Variants in TMEM132B observed in about 807,000 individuals in gnomAD.
The protein encoded by TMEM132B is transmembrane protein 132B.
Under a neutral mutation model 90.8 loss-of-function variants are expected in TMEM132B, and 18 were observed. The observed-to-expected ratio is 0.20, with a 90% confidence interval of 0.14 to 0.29. The LOEUF (loss-of-function observed/expected upper bound fraction) is 0.29. Among genes scored for constraint, TMEM132B ranks in the 10% least tolerant of loss-of-function variants. TMEM132B has a pLI of 1.00. For synonymous variants in TMEM132B, 504 were observed against 523.3 expected, an observed-to-expected ratio of 0.96 and a Z score of 0.50; for missense variants, 1,096 against 1,326.8, an observed-to-expected ratio of 0.83 and a Z score of 2.70.
chr12:125,305,160 C>G (rs534110235), intron 1 of TMEM132B, among the ~76,000 whole-genome samples: 2 of 151,926 alleles, frequency 1.3e-5, no homozygotes, highest in Non-Finnish European at 1.5e-5. Flanking sequence ...CTTTTCAACC[C>G]GTCTCCTACA....
At chr12:125,432,568 A>T (rs12426859) in intron 3 of TMEM132B, among the ~76,000 whole-genome samples, 2 of 41,944 alleles carry the variant, frequency 4.8e-5, no homozygotes, top group South Asian at 8.8e-4. Context: ...GAGAGAGAGA[A>T]AGAGAGTGTT....
Position 125,654,192 on chromosome 12 carries a change from G to A in TMEM132B, c.2734G>A (p.Val912Ile), listed in dbSNP as rs751942292. ...GATTGGCATGTATGCCTTGCTCTGCGTCTTCTGTCTGGCCATTCTGGTCTT... is the reference window on the plus strand; with the variant it reads ...GATTGGCATGTATGCCTTGCTCTGCATCTTCTGTCTGGCCATTCTGGTCTT... ...LEIGMYALLC[V>I]FCLAILVFLI... is the part of the protein sequence containing the mutation. The change falls in exon 9 of 9, where the codon GTC (valine) becomes ATC (isoleucine). Residue 912 changes from valine to isoleucine, a missense_variant. Transcript: ENST00000682704. This position sits in a 1 kb window ranked among gnomAD's most constrained non-coding sequence, Gnocchi z 5.8. 5.6e-6 allele frequency: 9 copies of A among 1,614,100 alleles called. No homozygotes were observed. The highest frequency in any genetic ancestry group is 1.3e-5 in the African/African-American group (1 of 74,928).
At chr12:125,519,125 C>T (rs899466347) in intron 3 of TMEM132B, among the ~76,000 whole-genome samples, 6 of 152,070 alleles carry the variant, frequency 3.9e-5, no homozygotes, top group East Asian at 1.9e-4. Context: ...GTGGCATGCC[C>T]GTGCCTGGGC....
Position 125,476,519 on chromosome 12 carries a change from T to G in TMEM132B, c.1107-42920T>G, listed in dbSNP as rs12578983. Among the ~76,000 whole-genome samples the G allele has an allele frequency of 6.2e-4, 95 of 152,348 alleles. 2 individuals are homozygous for G. In the East Asian group the frequency reaches 0.017, roughly 27 times the overall value. On this transcript the variant is annotated intron_variant, in intron 3 of 8. Transcript: ENST00000682704. ...AGTCCATTGTATGGATAAATCACAA[T>G]TTGTTTATCCATTACTGTATCAATG... is the stretch of plus-strand genomic sequence containing the variant.
intron 3 of TMEM132B, among the ~76,000 whole-genome samples, chr12:125,421,720 T>A (rs1880172539): frequency 6.6e-6 from 1 of 152,268 alleles, no homozygotes; most frequent in Admixed American, 6.5e-5. Flanking sequence ...GTCATCCTTT[T>A]AATTAACTGA....
intron 2 of TMEM132B, among the ~76,000 whole-genome samples, chr12:125,394,720 G>A (rs922136512): frequency 7.9e-5 from 12 of 152,176 alleles, no homozygotes; most frequent in African/African-American, 2.9e-4. Context: ...AGAAAGTTCT[G>A]TGCTGTAAAA....
intron 3 of TMEM132B, among the ~76,000 whole-genome samples, chr12:125,516,084 ATC>A (rs1883150637): frequency 1.3e-5 from 2 of 150,814 alleles, no homozygotes; most frequent in African/African-American, 4.9e-5. Context: ...CTCTCACGCT[ATC>A]TCACACACAC....
chr12:125,524,212 A>G (rs558927204), intron 4 of TMEM132B, among the ~76,000 whole-genome samples: 7 of 152,388 alleles, frequency 4.6e-5, no homozygotes, highest in African/African-American at 1.7e-4. Context: ...AAACTGAGCC[A>G]TAAAAAATAT....
intron 3 of TMEM132B, among the ~76,000 whole-genome samples, chr12:125,427,815 A>G (rs1040267799): frequency 6.6e-6 from 1 of 152,220 alleles, no homozygotes; most frequent in Non-Finnish European, 1.5e-5. Flanking sequence ...TTTCTACTGT[A>G]GGATTTAACT....
At chr12:125,264,843 C>T (rs150649594) in intron 1 of TMEM132B, among the ~76,000 whole-genome samples, 32 of 152,352 alleles carry the variant, frequency 2.1e-4, no homozygotes, top group African/African-American at 7.0e-4. Context: ...TGCATAGACA[C>T]GCTCAGCCCA....
At chr12:125,320,530 G>C (rs1219794306) in intron 1 of TMEM132B, among the ~76,000 whole-genome samples, 1 of 152,138 alleles carries the variant, frequency 6.6e-6, no homozygotes, top group Non-Finnish European at 1.5e-5. Flanking sequence ...AGGGGTTCCT[G>C]GTGGCATTGC....
chr12:125,641,168 A>G (rs1445350360), intron 5 of TMEM132B, among the ~76,000 whole-genome samples: 1 of 152,196 alleles, frequency 6.6e-6, no homozygotes, highest in Non-Finnish European at 1.5e-5. Flanking sequence ...AGCTGAGACA[A>G]GAAGGCAGAG....
At chr12:125,339,357 A>G (rs1405754723) in intron 1 of TMEM132B, among the ~76,000 whole-genome samples, 1 of 152,066 alleles carries the variant, frequency 6.6e-6, no homozygotes, top group Non-Finnish European at 1.5e-5. Flanking sequence ...ATGCCACCAC[A>G]TGGTCTTCCC....
rs555070055 is a variant in TMEM132B at position 125,563,391 on chromosome 12, G to C, written c.1294-20460G>C. ...TGGGAGGCTGAGGTGGGCGGATCAC[G>C]AGGTCAAGAGATCGAGACTAACCTG... On this transcript the variant is annotated intron_variant, in intron 4 of 8. Transcript: ENST00000682704. Among the ~76,000 whole-genome samples the C allele has an allele frequency of 1.6e-4, 25 of 152,000 alleles. No homozygotes were observed. In the South Asian group the frequency reaches 5.2e-3, roughly 32 times the overall value.
At chr12:125,461,953 A>G (rs1212064547) in intron 3 of TMEM132B, among the ~76,000 whole-genome samples, 3 of 152,220 alleles carry the variant, frequency 2.0e-5, no homozygotes, top group Non-Finnish European at 2.9e-5. Flanking sequence ...TGATTTCAGG[A>G]AAGTCTCAGC....
At chr12:125,281,227 A>G (rs1178022112) in intron 1 of TMEM132B, among the ~76,000 whole-genome samples, 1 of 152,136 alleles carries the variant, frequency 6.6e-6, no homozygotes, top group Admixed American at 6.5e-5. Context: ...GGGTGTGAGC[A>G]GGAATGGGCC....
intron 4 of TMEM132B, among the ~76,000 whole-genome samples, chr12:125,533,207 T>C (rs961652540): frequency 1.6e-4 from 25 of 152,204 alleles, no homozygotes; most frequent in Non-Finnish European, 2.8e-4. Context: ...AACCTTGTTA[T>C]CATGAGGATG....
chr12:125,323,858 C>T (rs1010324874), intron 1 of TMEM132B, among the ~76,000 whole-genome samples: 1 of 152,172 alleles, frequency 6.6e-6, no homozygotes, highest in African/African-American at 2.4e-5. Flanking sequence ...GCCTACCTAC[C>T]TCATAGAGTT....
chr12:125,474,645 T>C lies in TMEM132B; in HGVS notation c.1107-44794T>C, dbSNP rs917223496. On this transcript the variant is annotated intron_variant, in intron 3 of 8. Coordinates refer to ENST00000682704, the MANE Select transcript of TMEM132B (RefSeq NM_001366854.1). Reference sequence around the variant, plus strand: ...CTAATCTCTAGTGTTCCAGGCCAGATTCTCTTGATGGCAACAGAAAAATCA... The same window carrying C: ...CTAATCTCTAGTGTTCCAGGCCAGACTCTCTTGATGGCAACAGAAAAATCA... Among the ~76,000 whole-genome samples, 6 of 152,200 alleles carry C rather than the reference T, an allele frequency of 3.9e-5. No individual in the cohort carries two copies. The East Asian group carries it at 1.2e-3, about 29-fold the overall frequency.
Sources: allele counts gnomAD v4.1 joint callset (sites outside exome capture counted in the v4.1 genomes callset), GRCh38; gene constraint gnomAD v4.1.1; non-coding constraint Gnocchi (gnomAD v3.1); transcripts MANE v1.5; gene names NCBI Gene and HGNC (gene_info 2026-07-23, HGNC 2026-07-21).